The following PTPRM variants were observed in gnomAD, a reference collection of about 807,000 sequenced individuals.
The protein encoded by PTPRM is protein tyrosine phosphatase receptor type M.
PTPRM carries 47 observed loss-of-function variants against 186.7 expected under a neutral mutation model. That is an observed-to-expected ratio of 0.25 (90% CI 0.20 to 0.32). The LOEUF is 0.32. PTPRM is among the 10% of genes least tolerant of loss of function. The pLI is 1.00. For missense variants in PTPRM, 1,494 were observed against 1,865.0 expected (o/e 0.80, Z 3.66); for synonymous variants, 668 against 674.9 (o/e 0.99, Z 0.16).
At chr18:7,866,786 G>T (rs964820539) in intron 2 of PTPRM, among the ~76,000 whole-genome samples, 1 of 152,150 alleles carries the variant, frequency 6.6e-6, no homozygotes, top group African/African-American at 2.4e-5. Flanking sequence ...TGACAGTGGG[G>T]TGTTAAAGTC....
chr18:7,660,813 A>G (rs1328021570), intron 1 of PTPRM, among the ~76,000 whole-genome samples: 1 of 152,030 alleles, frequency 6.6e-6, no homozygotes, highest in African/African-American at 2.4e-5. Context: ...CTACCAAAAA[A>G]CAGAAAAATT....
chr18:7,618,337 C>A (rs903642660), intron 1 of PTPRM, among the ~76,000 whole-genome samples: 2 of 152,086 alleles, frequency 1.3e-5, no homozygotes, highest in Admixed American at 1.3e-4. Context: ...CTCATTACTG[C>A]CATTTCCCTT....
At chr18:8,346,918 G>T (rs1446591277) in intron 23 of PTPRM, among the ~76,000 whole-genome samples, 1 of 152,150 alleles carries the variant, frequency 6.6e-6, no homozygotes, top group Non-Finnish European at 1.5e-5. Flanking sequence ...TGCCCAGCAA[G>T]GTGAATAAAG....
intron 14 of PTPRM, among the ~76,000 whole-genome samples, chr18:8,169,151 T>C (rs560348918): frequency 2.6e-4 from 39 of 152,262 alleles, no homozygotes; most frequent in Admixed American, 5.2e-4. Context: ...GTCATCGATA[T>C]AGCACAATGA....
intron 14 of PTPRM, among the ~76,000 whole-genome samples, chr18:8,183,120 T>G (rs1391109339): frequency 2.0e-5 from 3 of 152,226 alleles, no homozygotes; most frequent in Non-Finnish European, 4.4e-5. Flanking sequence ...ACTTTCTTTG[T>G]TTTCATTGTA....
chr18:7,868,490 A>T (rs1440453480), intron 2 of PTPRM, among the ~76,000 whole-genome samples: 1 of 152,150 alleles, frequency 6.6e-6, no homozygotes, highest in Admixed American at 6.5e-5. Flanking sequence ...CTGGAGGTCC[A>T]CTTTGGACTC....
At chr18:7,752,235 A>G (rs1414429399) in intron 1 of PTPRM, among the ~76,000 whole-genome samples, 1 of 152,180 alleles carries the variant, frequency 6.6e-6, no homozygotes, top group Admixed American at 6.5e-5. Context: ...GAATTCTGCT[A>G]TATGTGTGTT....
intron 5 of PTPRM, among the ~76,000 whole-genome samples, chr18:7,928,965 G>A (rs983200060): frequency 3.9e-5 from 6 of 152,104 alleles, no homozygotes; most frequent in Non-Finnish European, 8.8e-5. Flanking sequence ...AAAACAAAGG[G>A]TCTAAATGCA....
At chr18:8,019,665 A>C (rs897303965) in intron 7 of PTPRM, among the ~76,000 whole-genome samples, 1 of 151,214 alleles carries the variant, frequency 6.6e-6, no homozygotes, top group Non-Finnish European at 1.5e-5. Context: ...TACTATCTGG[A>C]ATTAAACAAG....
Position 7,773,952 on chromosome 18 carries a change from T to C in PTPRM, c.74-197T>C, listed in dbSNP as rs184507972. Among the ~76,000 whole-genome samples, 17 of 152,218 alleles carry C rather than the reference T, an allele frequency of 1.1e-4. 1 individual carries two copies. Among genetic ancestry groups the C allele is most frequent in the Admixed American group, 1.0e-3 (16 of 15,278 alleles). On this transcript the variant is annotated intron_variant, in intron 1 of 32. Coordinates refer to ENST00000580170, the MANE Select transcript of PTPRM (RefSeq NM_001105244.2). ...GAGCTGCGTAATACAGTGATGTGGGTGAGGCATGGTTAATACTCAGCAGCA... is the reference window on the plus strand; with the variant it reads ...GAGCTGCGTAATACAGTGATGTGGGCGAGGCATGGTTAATACTCAGCAGCA...
chr18:7,735,644 T>A (rs1001269144), intron 1 of PTPRM, among the ~76,000 whole-genome samples: 1 of 152,190 alleles, frequency 6.6e-6, no homozygotes, highest in Non-Finnish European at 1.5e-5. Context: ...CTATAAAGAA[T>A]GTCTATTAAC....
intron 2 of PTPRM, among the ~76,000 whole-genome samples, chr18:7,835,724 A>G (rs1053638448): frequency 2.6e-5 from 4 of 151,290 alleles, no homozygotes; most frequent in Non-Finnish European, 4.4e-5. Flanking sequence ...CGCTAATAAT[A>G]TTTTCTTTAT....
chr18:8,088,812 T>A lies in PTPRM; in HGVS notation c.1817T>A (p.Val606Asp). The A allele has an allele frequency of 6.2e-7, 1 of 1,613,028 alleles. No individual in the cohort carries two copies. Among genetic ancestry groups the A allele is most frequent in the Non-Finnish European group, 8.5e-7 (1 of 1,179,260 alleles). Reference protein sequence around the residue: ...PLNQTDNTVTVMLKPAHSRGA... With the variant: ...PLNQTDNTVTDMLKPAHSRGA... ...AATCAAACTGACAATACCGTGACAG[T>A]CATGCTGAAACCTGCCCACAGCAGA... is the stretch of plus-strand genomic sequence containing the variant. Residue 606 changes from valine (V) to aspartate (D), a missense_variant, in exon 11 of 33, where the codon GTC becomes GAC. Around this residue, in one of 3 missense-constraint regions of PTPRM, gnomAD observed 1,107 missense variants for 1,350.2 expected, o/e 0.82. Transcript: ENST00000580170.
At chr18:8,280,735 C>T (rs532232904) in intron 19 of PTPRM, among the ~76,000 whole-genome samples, 5 of 152,272 alleles carry the variant, frequency 3.3e-5, no homozygotes, top group Admixed American at 1.3e-4. Flanking sequence ...TTTCTGCCAA[C>T]GTAGAACTGC....
intron 14 of PTPRM, among the ~76,000 whole-genome samples, chr18:8,205,368 G>T (rs1368045492): frequency 2.0e-5 from 3 of 151,960 alleles, no homozygotes; most frequent in South Asian, 2.1e-4. Flanking sequence ...ATAGCCTTAG[G>T]TTATATTTTT....
In PTPRM at chr18:7,968,278, G is replaced by T. The variant is rs1429066350; in HGVS notation, c.1132+12864G>T. 3.8e-5 allele frequency among the ~76,000 whole-genome samples: 5 copies of T among 130,780 alleles called. No homozygotes were observed. In the East Asian group the frequency reaches 1.0e-3, roughly 26 times the overall value. The allele number at this position is 130,780 out of a possible 152,430, so 85.8% of individuals were successfully genotyped here. The stretch of plus-strand genomic sequence containing the variant: ...TGCTGAGAGATTTTGTCACCACCAG[G>T]CCTGCCCTAAAAGAGCTCCTGAAGG... On this transcript the variant is annotated intron_variant, in intron 7 of 32. Transcript: ENST00000580170.
chr18:7,689,120 T>C (rs1313146599), intron 1 of PTPRM, among the ~76,000 whole-genome samples: 1 of 150,336 alleles, frequency 6.7e-6, no homozygotes, highest in East Asian at 2.0e-4. Flanking sequence ...ATGTAGGTAA[T>C]TCAAGTATAA....
At chr18:7,894,107 G>A (rs951290718) in intron 3 of PTPRM, among the ~76,000 whole-genome samples, 13 of 152,120 alleles carry the variant, frequency 8.5e-5, no homozygotes, top group Non-Finnish European at 1.6e-4. Context: ...AGTCCATGGG[G>A]CCAGCACACG....
At chr18:7,947,553 C>A (rs1391377040) in intron 5 of PTPRM, among the ~76,000 whole-genome samples, 1 of 152,136 alleles carries the variant, frequency 6.6e-6, no homozygotes, top group African/African-American at 2.4e-5. Flanking sequence ...GCCTGCAAGT[C>A]CCTGAGCACA....
Sources: allele counts gnomAD v4.1 joint callset (sites outside exome capture counted in the v4.1 genomes callset), GRCh38; gene constraint gnomAD v4.1.1; regional missense constraint gnomAD v4.1.1; transcripts MANE v1.5; gene names NCBI Gene and HGNC (gene_info 2026-07-23, HGNC 2026-07-21).